GRIN2B: variants seen among roughly 807,000 people sequenced by gnomAD.
GRIN2B encodes the protein glutamate receptor ionotropic, NMDA 2B.
A neutral mutation model predicts 114.5 loss-of-function variants in GRIN2B; 5 were observed. The observed-to-expected ratio is 0.04, with a 90% confidence interval of 0.02 to 0.09. GRIN2B has a LOEUF of 0.09. Ranked by LOEUF, GRIN2B falls within the 10% of genes least tolerant of loss-of-function variation. The pLI, the probability that GRIN2B is intolerant of heterozygous loss-of-function variation, is 1.00. For synonymous variants in GRIN2B, 787 were observed against 745.1 expected (o/e 1.06, Z -0.92); for missense variants, 1,108 against 1,943.5 (o/e 0.57, Z 8.08).
chr12:13,843,516 G>A (rs1253721906), intron 3 of GRIN2B, among the ~76,000 whole-genome samples: 1 of 151,978 alleles, frequency 6.6e-6, no homozygotes, highest in Non-Finnish European at 1.5e-5. Flanking sequence ...GCACCTTCAG[G>A]CTTTCACAGG....
chr12:13,936,359 G>C (rs1465582775), intron 2 of GRIN2B, among the ~76,000 whole-genome samples: 1 of 152,098 alleles, frequency 6.6e-6, no homozygotes, highest in Non-Finnish European at 1.5e-5. Flanking sequence ...CCCTCTGTAG[G>C]AGTAAGATCT....
chr12:13,955,884 C>T (rs1867581549), intron 2 of GRIN2B, among the ~76,000 whole-genome samples: 2 of 152,102 alleles, frequency 1.3e-5, no homozygotes, highest in Non-Finnish European at 2.9e-5. Flanking sequence ...CCTGGCTCTC[C>T]AGGGGGCCCC....
At position 13,542,962 on chromosome 12, in the gene GRIN2B, A is replaced by G. The variant is rs1246312536; in HGVS notation, c.*19821T>C. ...TCCAGACCATCCTCCCTCCTTTTTAAAAAAAAATAACATGCAACAACCATA... is the reference window on the plus strand; with the variant it reads ...TCCAGACCATCCTCCCTCCTTTTTAGAAAAAAATAACATGCAACAACCATA... On this transcript the variant is annotated 3_prime_UTR_variant, in exon 14 of 14. Coordinates refer to ENST00000609686, the MANE Select transcript of GRIN2B (RefSeq NM_000834.5). The G allele has an allele frequency of 1.3e-5, 2 of 151,394 alleles. No individual in the cohort carries two copies. Among genetic ancestry groups the G allele is most frequent in the East Asian group, 3.9e-4 (2 of 5,172 alleles). 9.4% of individuals were successfully genotyped at this position (151,394 alleles called of 1,614,324 possible).
At chr12:13,805,232 T>C (rs1241495470) in intron 3 of GRIN2B, among the ~76,000 whole-genome samples, 4 of 152,166 alleles carry the variant, frequency 2.6e-5, no homozygotes, top group Non-Finnish European at 5.9e-5. Context: ...AATGACTCAC[T>C]GAGGTTAAAG....
At chr12:13,839,292 C>G (rs1865340015) in intron 3 of GRIN2B, among the ~76,000 whole-genome samples, 2 of 152,132 alleles carry the variant, frequency 1.3e-5, no homozygotes, top group Non-Finnish European at 2.9e-5. Context: ...TGGATCAGGG[C>G]TAAGAAGTAC....
chr12:13,880,435 A>G (rs1702884006), intron 2 of GRIN2B, among the ~76,000 whole-genome samples: 1 of 152,176 alleles, frequency 6.6e-6, no homozygotes, highest in African/African-American at 2.4e-5. Context: ...GCAACCAAAA[A>G]CAATGGAAGA....
intron 2 of GRIN2B, among the ~76,000 whole-genome samples, chr12:13,912,037 C>T (rs943880160): frequency 6.6e-6 from 1 of 152,072 alleles, no homozygotes; most frequent in African/African-American, 2.4e-5. Flanking sequence ...TCAGAACTCG[C>T]CTACTGCCTC....
At chr12:13,667,265 C>T (rs1949985683) in intron 5 of GRIN2B, among the ~76,000 whole-genome samples, 1 of 152,142 alleles carries the variant, frequency 6.6e-6, no homozygotes, top group African/African-American at 2.4e-5. Context: ...GAAGGCAGCG[C>T]ACTGTATGAG....
chr12:13,611,707 G>T lies in GRIN2B; in HGVS notation c.1780+18C>A. 2.5e-6 allele frequency: 4 copies of T among 1,612,768 alleles called. No homozygotes were observed. In the South Asian group the frequency reaches 3.3e-5, roughly 13 times the overall value. On this transcript the variant is annotated intron_variant, in intron 9 of 13. Coordinates refer to ENST00000609686, the MANE Select transcript of GRIN2B (RefSeq NM_000834.5). Reference sequence around the variant, plus strand: ...GAGAAAAAAACTGGGGAAGTGCAGCGGTTCCAGCCGGCCTTACCTCTGCCA... The same window carrying T: ...GAGAAAAAAACTGGGGAAGTGCAGCTGTTCCAGCCGGCCTTACCTCTGCCA...
intron 10 of GRIN2B, among the ~76,000 whole-genome samples, chr12:13,604,224 A>C (rs1306612955): frequency 6.6e-6 from 1 of 152,174 alleles, no homozygotes; most frequent in African/African-American, 2.4e-5. Context: ...ACTTGCACCC[A>C]TATTTAGGTA....
chr12:13,620,719 T>G (rs1026980690), intron 5 of GRIN2B, among the ~76,000 whole-genome samples: 1 of 152,206 alleles, frequency 6.6e-6, no homozygotes, highest in Non-Finnish European at 1.5e-5. Flanking sequence ...TTCCACATAA[T>G]TTCATGATCA....
chr12:13,900,585 C>G (rs1866430700), intron 2 of GRIN2B, among the ~76,000 whole-genome samples: 2 of 152,150 alleles, frequency 1.3e-5, no homozygotes, highest in Non-Finnish European at 2.9e-5. Context: ...CCAAAAATGT[C>G]CCTGTGTGCC....
intron 10 of GRIN2B, 129 bp from the exon 11 acceptor site, chr12:13,572,093 A>G: frequency 1.3e-6 from 1 of 752,944 alleles, no homozygotes; most frequent in Non-Finnish European, 2.3e-6. Flanking sequence ...GAAGGGACCC[A>G]ACTATAATTC....
intron 4 of GRIN2B, among the ~76,000 whole-genome samples, chr12:13,697,006 G>T (rs981661674): frequency 6.6e-6 from 1 of 152,082 alleles, no homozygotes. Flanking sequence ...CAGCAGGAGG[G>T]GAAAGGGTGA....
At chr12:13,912,571 G>T (rs1866643281) in intron 2 of GRIN2B, among the ~76,000 whole-genome samples, 1 of 152,124 alleles carries the variant, frequency 6.6e-6, no homozygotes, top group Admixed American at 6.5e-5. Flanking sequence ...GTGGGCACAG[G>T]GTGCGGATGT....
chr12:13,775,231 C>A (rs954744358), intron 3 of GRIN2B, among the ~76,000 whole-genome samples: 1 of 152,080 alleles, frequency 6.6e-6, no homozygotes, highest in African/African-American at 2.4e-5. Flanking sequence ...AGCAGAGGAG[C>A]AAAAGATAAA....
rs1056956316 is a variant in GRIN2B at position 13,590,231 on chromosome 12, ATTTAT to A, written c.2011-18272_2011-18268del. 3.3e-5 allele frequency among the ~76,000 whole-genome samples: 5 copies of A among 152,116 alleles called. No homozygotes were observed. The East Asian group carries it at 5.8e-4, about 18-fold the overall frequency. On this transcript the variant is annotated intron_variant, in intron 10 of 13. Coordinates refer to ENST00000609686, the MANE Select transcript of GRIN2B (RefSeq NM_000834.5). The stretch of plus-strand genomic sequence containing the variant: ...AGACCTAGTTTTTAAATTTTTATTT[ATTTAT>A]TTTATTTTAAGTTCTGGGATACATG...
chr12:13,843,111 GA>G (rs370233559), intron 3 of GRIN2B, among the ~76,000 whole-genome samples: 27,170 of 109,542 alleles, frequency 0.25, 2,808 homozygotes, highest in Middle Eastern at 0.29. Context: ...CTACACTGGG[GA>G]AAAAAAAAAA....
chr12:13,611,960 T>G, intron 8 of GRIN2B, 110 bp from the exon 9 acceptor site: 1 of 1,108,170 alleles, frequency 9.0e-7, no homozygotes, highest in Non-Finnish European at 1.4e-6. Flanking sequence ...AACCACAATG[T>G]GTTGTCTGCC....
Sources: gnomAD v4.1 joint callset for allele counts (sites outside exome capture counted in the v4.1 genomes callset) on GRCh38, gnomAD v4.1.1 for gene constraint, MANE v1.5 for transcripts, NCBI Gene and HGNC (gene_info 2026-07-23, HGNC 2026-07-21) for gene names.